The following BBX variants were observed in gnomAD, a reference collection of about 807,000 sequenced individuals.
The protein encoded by BBX is HMG box transcription factor BBX.
Under a neutral mutation model 100.2 loss-of-function variants are expected in BBX, and 30 were observed. The observed-to-expected ratio is 0.30, with a 90% CI of 0.22 to 0.41. The LOEUF (loss-of-function observed/expected upper bound fraction) is 0.41, where lower values mean the gene tolerates loss of function less well. BBX is among the 10% of genes least tolerant of loss of function. The pLI, the probability that BBX is intolerant of heterozygous loss-of-function variation, is 1.00. For missense variants in BBX, 1,023 were observed against 1,129.8 expected, an observed-to-expected ratio of 0.91 and a Z score of 1.35; for synonymous variants, 376 against 388.1, an observed-to-expected ratio of 0.97 and a Z score of 0.37.
At chr3:107,620,017 C>G (rs1243459245) in intron 2 of BBX, among the ~76,000 whole-genome samples, 1 of 152,112 alleles carries the variant, frequency 6.6e-6, no homozygotes, top group Non-Finnish European at 1.5e-5. Flanking sequence ...ATTACAGTGA[C>G]ATGGATTTTA....
intron 2 of BBX, among the ~76,000 whole-genome samples, chr3:107,549,509 C>G (rs1435637499): frequency 6.6e-6 from 1 of 152,104 alleles, no homozygotes; most frequent in Non-Finnish European, 1.5e-5. Flanking sequence ...GTGTGCTGAC[C>G]TTAGGGATGT....
intron 15 of BBX, among the ~76,000 whole-genome samples, chr3:107,797,113 C>G (rs1576860123): frequency 6.6e-6 from 1 of 151,794 alleles, no homozygotes; most frequent in African/African-American, 2.4e-5. Context: ...ATCAGCCTTT[C>G]TTTTGAAACA....
At chr3:107,763,129 A>G (rs1321313409) in intron 10 of BBX, among the ~76,000 whole-genome samples, 2 of 152,182 alleles carry the variant, frequency 1.3e-5, no homozygotes, top group Non-Finnish European at 2.9e-5. Context: ...TAAAAAGTCC[A>G]AAATCTGAGA....
intron 8 of BBX, among the ~76,000 whole-genome samples, chr3:107,747,251 T>TG (rs1560086949): frequency 1.8e-3 from 274 of 150,984 alleles, no homozygotes; most frequent in African/African-American, 6.5e-3. Context: ...GTGTGTGTGT[T>TG]TGTGTTGGGT....
At chr3:107,709,887 A>G (rs2061611250) in intron 3 of BBX, among the ~76,000 whole-genome samples, 1 of 152,260 alleles carries the variant, frequency 6.6e-6, no homozygotes, top group Non-Finnish European at 1.5e-5. Context: ...AGCTTAGCCA[A>G]CTGCCCAAAT....
At chr3:107,584,134 ATATATAT>A (rs2052597677) in intron 2 of BBX, among the ~76,000 whole-genome samples, 1 of 19,258 alleles carries the variant, frequency 5.2e-5, no homozygotes, top group Non-Finnish European at 1.1e-4. Context: ...ATATATTATT[ATATATAT>A]TATATATAAT....
At chr3:107,552,712 A>G (rs619984) in intron 2 of BBX, among the ~76,000 whole-genome samples, 16,321 of 152,264 alleles carry the variant, frequency 0.11, 986 homozygotes, top group Non-Finnish European at 0.12. Context: ...AATTGGATTC[A>G]TCCCCATTTT....
At chr3:107,733,162 T>G (rs2063416519) in intron 7 of BBX, 139 bp downstream of exon 7, 4 of 749,202 alleles carry the variant, frequency 5.3e-6, no homozygotes, top group Non-Finnish European at 6.3e-6. Flanking sequence ...CTTTAAGATC[T>G]TTCTGTGTGT....
intron 3 of BBX, among the ~76,000 whole-genome samples, chr3:107,672,851 G>A (rs79832685): frequency 2.0e-4 from 30 of 151,964 alleles, no homozygotes; most frequent in African/African-American, 7.0e-4. Context: ...AGAGTGTCAC[G>A]ATTTACTTTT....
intron 5 of BBX, among the ~76,000 whole-genome samples, chr3:107,725,082 A>C (rs962104224): frequency 9.2e-5 from 14 of 151,900 alleles, no homozygotes; most frequent in African/African-American, 3.1e-4. Flanking sequence ...CTTTTATTTC[A>C]CTGAGCAGTG....
chr3:107,732,329 T>TA (rs1240378339), intron 6 of BBX, among the ~76,000 whole-genome samples: 6 of 152,198 alleles, frequency 3.9e-5, no homozygotes, highest in African/African-American at 1.2e-4. Context: ...TTTGATAACA[T>TA]AAAAAGCATT....
At position 107,754,564 on chromosome 3, in the gene BBX, A is replaced by T. The variant is rs2065327028; in HGVS notation, c.826-1034A>T. On this transcript the variant is annotated intron_variant, in intron 9 of 17. Transcript: ENST00000325805. ...TTCTACAAAGGCCTGTTATTCAGCA[A>T]GTATTCTAGGGAAAATTTCTTCTAG... Among the ~76,000 whole-genome samples, 3 of 152,202 alleles carry T rather than the reference A, an allele frequency of 2.0e-5. No homozygotes were observed. The South Asian group carries it at 6.2e-4, about 32-fold the overall frequency.
chr3:107,643,523 G>A (rs1271360977), intron 2 of BBX, among the ~76,000 whole-genome samples: 1 of 152,056 alleles, frequency 6.6e-6, no homozygotes, highest in Admixed American at 6.5e-5. Flanking sequence ...CTCTGTGGGG[G>A]TGATTGGGGG....
At chr3:107,650,060 A>G (rs2057749059) in intron 3 of BBX, among the ~76,000 whole-genome samples, 1 of 152,226 alleles carries the variant, frequency 6.6e-6, no homozygotes, top group Non-Finnish European at 1.5e-5. Flanking sequence ...GTTTGGTTTC[A>G]GAAGAAATAG....
chr3:107,527,159 C>T (rs932974155), intron 2 of BBX, among the ~76,000 whole-genome samples: 4 of 152,166 alleles, frequency 2.6e-5, no homozygotes, highest in Admixed American at 1.3e-4. Context: ...TGAGGGTTTA[C>T]AGAGCATTTG....
At chr3:107,745,823 C>T (rs925394599) in intron 8 of BBX, among the ~76,000 whole-genome samples, 2 of 152,012 alleles carry the variant, frequency 1.3e-5, no homozygotes, top group East Asian at 1.9e-4. Flanking sequence ...GAAAGCAGAA[C>T]GGCTTAAGAG....
At chr3:107,673,568 A>G (rs2059130424) in intron 3 of BBX, among the ~76,000 whole-genome samples, 1 of 152,150 alleles carries the variant, frequency 6.6e-6, no homozygotes, top group Admixed American at 6.6e-5. Flanking sequence ...GGCAAAAGGT[A>G]AACATTCTAA....
chr3:107,635,678 C>G (rs1267176297), intron 2 of BBX, among the ~76,000 whole-genome samples: 2 of 150,348 alleles, frequency 1.3e-5, no homozygotes, highest in Non-Finnish European at 3.0e-5. Context: ...TCTTTCCTTT[C>G]TTTTCAGGAA....
intron 3 of BBX, among the ~76,000 whole-genome samples, chr3:107,678,883 A>G (rs1187609273): frequency 6.6e-6 from 1 of 152,168 alleles, no homozygotes; most frequent in African/African-American, 2.4e-5. Flanking sequence ...AAATGGCTTA[A>G]TCCTCACAAT....
Sources: gnomAD v4.1 joint callset for allele counts (sites outside exome capture counted in the v4.1 genomes callset) on GRCh38, gnomAD v4.1.1 for gene constraint, MANE v1.5 for transcripts, NCBI Gene and HGNC (gene_info 2026-07-23, HGNC 2026-07-21) for gene names.